Variants in MDN1 observed in about 807,000 individuals in gnomAD.
The protein encoded by MDN1 is midasin.
MDN1 carries 266 observed loss-of-function variants against 669.2 expected under a neutral mutation model. That is an observed-to-expected ratio of 0.40 (90% CI 0.36 to 0.44). The LOEUF (loss-of-function observed/expected upper bound fraction) is 0.44. Ranked by LOEUF, MDN1 falls within the 20% of genes least tolerant of loss-of-function variation. MDN1 has a pLI of 1.00. For synonymous variants in MDN1, 2,385 were observed against 2,457.1 expected (o/e 0.97, Z 0.87); for missense variants, 5,940 against 6,754.0 (o/e 0.88, Z 4.22).
chr6:89,680,795 G>A, intron 73 of MDN1, 44 bp from the exon 74 acceptor site: 1 of 1,595,480 alleles, frequency 6.3e-7, no homozygotes, highest in Non-Finnish European at 8.5e-7. Context: ...AAGAATGACA[G>A]GCAGTGTCCC....
chr6:89,645,140 G>A lies in MDN1; in HGVS notation c.16477C>T (p.Leu5493=). Residue 5493 remains leucine (L), a synonymous_variant, in exon 101 of 102, where the codon CTG becomes TTG. Coordinates refer to ENST00000369393, the MANE Select transcript of MDN1 (RefSeq NM_014611.3). ...AGGCCTCGCCCATCAGAGACTACCA[G>A]GAGGAGTTGTGCAGTTTCTGTAGAC... ...NISSETAQLL[L]VVSDGRGLFL... 3 of 1,607,072 alleles carry A rather than the reference G, an allele frequency of 1.9e-6. No individual in the cohort carries two copies. The highest frequency in any genetic ancestry group is 2.6e-6 in the Non-Finnish European group (3 of 1,174,014).
rs565915357 is a variant in MDN1 at position 89,693,170 on chromosome 6, A to T, written c.9882-22T>A. ...CAGCCTAACGGGAAATTAACACAAT[A>T]TGCCAATTATGTCAGAAGAAGAGCA... On this transcript the variant is annotated intron_variant, in intron 62 of 101. Transcript: ENST00000369393. The T allele has an allele frequency of 6.0e-6, 9 of 1,494,234 alleles. No homozygotes were observed. The East Asian group carries it at 6.8e-5, about 11-fold the overall frequency. 92.6% of individuals were successfully genotyped at this position (1,494,234 alleles called of 1,614,324 possible).
rs1212270569 is a variant in MDN1, at chr6:89,658,190, C to T, written c.15183+19G>A. The T allele has an allele frequency of 6.2e-7, 1 of 1,613,488 alleles. No homozygotes were observed. Among genetic ancestry groups the T allele is most frequent in the Admixed American group, 1.7e-5 (1 of 60,020 alleles). On this transcript the variant is annotated intron_variant, in intron 90 of 101. Coordinates refer to ENST00000369393, the MANE Select transcript of MDN1 (RefSeq NM_014611.3). ...CCTACTAAGAGGCAGCTGGCGGCTGCAGTGAAACCACTGATCACCTCTTTC... is the reference window on the plus strand; with the variant it reads ...CCTACTAAGAGGCAGCTGGCGGCTGTAGTGAAACCACTGATCACCTCTTTC...
chr6:89,810,465 T>G (rs1320197045), intron 1 of MDN1, among the ~76,000 whole-genome samples: 1 of 151,564 alleles, frequency 6.6e-6, no homozygotes, highest in Non-Finnish European at 1.5e-5. Context: ...AAAAACAAAT[T>G]AAAAAAACAG....
chr6:89,748,511 G>A (rs1402698614), intron 26 of MDN1, among the ~76,000 whole-genome samples: 1 of 152,146 alleles, frequency 6.6e-6, no homozygotes, highest in African/African-American at 2.4e-5. Flanking sequence ...AAGATCAGCT[G>A]TAGCTTTGCA....
intron 2 of MDN1, among the ~76,000 whole-genome samples, chr6:89,796,324 C>CAAAAAAAAAAAAAAAAAAAA (rs35169575): frequency 6.6e-5 from 3 of 45,374 alleles, no homozygotes; most frequent in African/African-American, 1.5e-4. Context: ...AACTCTGTCT[C>CAAAAAAAAAAAAAAAAAAAA]AAAAAAAAAA....
At chr6:89,796,340 AAAAAAAAAAAC>A (rs779285169) in intron 2 of MDN1, among the ~76,000 whole-genome samples, 2 of 116,690 alleles carry the variant, frequency 1.7e-5, no homozygotes, top group African/African-American at 3.0e-5. Context: ...AAAAAAAAAA[AAAAAAAAAAAC>A]AAAAAAAAAA....
intron 10 of MDN1, 39 bp from the exon 11 acceptor site, chr6:89,780,332 AC>A: frequency 7.4e-7 from 1 of 1,359,468 alleles, no homozygotes; most frequent in African/African-American, 1.5e-5. Context: ...CAAAGAAAAG[AC>A]CACAGGCCAA....
intron 35 of MDN1, among the ~76,000 whole-genome samples, chr6:89,729,606 G>A (rs1042692481): frequency 6.6e-6 from 1 of 151,370 alleles, no homozygotes; most frequent in Non-Finnish European, 1.5e-5. Context: ...TGATATGCAG[G>A]ACTAATAACA....
rs752267688 is a variant in MDN1, at chr6:89,762,352, C to T, written c.2323G>A (p.Ala775Thr). Reference sequence around the variant, plus strand: ...CTGTCTTTTCCATCCTTGTTAACAGCAGACTTGTGTACATGCTGCATTAGT... The same window carrying T: ...CTGTCTTTTCCATCCTTGTTAACAGTAGACTTGTGTACATGCTGCATTAGT... ...LRLMQHVHKS[A>T]VNKDGKDSET... Residue 775 changes from alanine (A) to threonine (T), a missense_variant, in exon 16 of 102, where the codon GCT becomes ACT. By Grantham distance (58) the Ala-to-Thr change is moderately conservative. Transcript: ENST00000369393. 4 of 1,614,010 alleles carry T rather than the reference C, an allele frequency of 2.5e-6. No homozygotes were observed. The African/African-American group carries it at 4.0e-5, about 16-fold the overall frequency.
chr6:89,795,933 C>CG (rs1169070413), intron 2 of MDN1, among the ~76,000 whole-genome samples: 4 of 151,918 alleles, frequency 2.6e-5, no homozygotes, highest in Non-Finnish European at 5.9e-5. Context: ...CAGGCCTGGG[C>CG]GACACAGTGA....
chr6:89,676,098 C>T lies in MDN1; in HGVS notation c.12645+4G>A, dbSNP rs1004661860. 3.8e-5 allele frequency: 62 copies of T among 1,613,232 alleles called. No homozygotes were observed. Among genetic ancestry groups the T allele is most frequent in the Non-Finnish European group, 5.2e-5 (61 of 1,179,248 alleles). On this transcript the variant is annotated splice_donor_region_variant and intron_variant, in intron 77 of 101. Coordinates refer to ENST00000369393, the MANE Select transcript of MDN1 (RefSeq NM_014611.3). ...CCTGCAAGACTCATGTTCTATCATT[C>T]TACCTTGGCAGGAGTTGCTAGTGCT...
At chr6:89,722,865 A>AAAAAAT in intron 40 of MDN1, 90 bp downstream of exon 40, 1 of 840,580 alleles carries the variant, frequency 1.2e-6, no homozygotes, top group Non-Finnish European at 1.7e-6. Flanking sequence ...AAAAAAAAAA[A>AAAAAAT]AAGGCTTGCA....
At chr6:89,652,030 T>C (rs1808910844) in intron 95 of MDN1, among the ~76,000 whole-genome samples, 162 bp downstream of exon 95, 1 of 152,224 alleles carries the variant, frequency 6.6e-6, no homozygotes, top group Admixed American at 6.5e-5. Flanking sequence ...AGCCAGAAAC[T>C]GATGGACAGA....
intron 99 of MDN1, among the ~76,000 whole-genome samples, chr6:89,647,547 T>G (rs1197849905): frequency 6.6e-6 from 1 of 152,190 alleles, no homozygotes; most frequent in Non-Finnish European, 1.5e-5. Flanking sequence ...AGTCAAGTGA[T>G]CCTTGAGGAA....
intron 29 of MDN1, 111 bp downstream of exon 29, chr6:89,745,162 G>T: frequency 6.7e-6 from 5 of 746,682 alleles, no homozygotes; most frequent in Non-Finnish European, 6.8e-6. Context: ...AGAAAAAAGA[G>T]GAAGGAGGAA....
chr6:89,712,780 G>C lies in MDN1; in HGVS notation c.7225C>G (p.Gln2409Glu), dbSNP rs780395402. The C allele has an allele frequency of 6.2e-7, 1 of 1,613,988 alleles. No homozygotes were observed. The highest frequency in any genetic ancestry group is 1.1e-5 in the South Asian group (1 of 91,082). ...GAAACATGTTTCTCCAGTAAAGCCT[G>C]TACAAGCTGGTAGGAGACAAAAACA... ...QHSPANRKLV[Q>E]ALLEKHVSSL... Residue 2409 changes from glutamine (Q) to glutamate (E), a missense_variant, in exon 48 of 102, where the codon CAG becomes GAG. Gln to Glu is a conservative substitution (Grantham distance 29). Transcript: ENST00000369393.
At chr6:89,771,711 T>C (rs906052436) in intron 14 of MDN1, 90 bp from the exon 15 acceptor site, 6 of 1,117,258 alleles carry the variant, frequency 5.4e-6, no homozygotes, top group South Asian at 4.0e-5. Flanking sequence ...GAATATGGCA[T>C]AGGGCTTTAT....
chr6:89,789,873 T>C lies in MDN1; in HGVS notation c.1137A>G (p.Gly379=). The stretch of plus-strand genomic sequence containing the variant: ...GGGTGCCAGGCTGCCACACAAACTC[T>C]CCAGGAACATCTGTGCAGCGATACA... The part of the protein sequence containing the change: ...LGMYRCTDVP[G]EFVWQPGTLT... The change falls in exon 7 of 102, where the codon GGA becomes GGG. Residue 379 remains glycine (G), a synonymous_variant. Coordinates refer to ENST00000369393, the MANE Select transcript of MDN1 (RefSeq NM_014611.3). 1.7e-5 allele frequency: 27 copies of C among 1,613,836 alleles called. No homozygotes were observed. The highest frequency in any genetic ancestry group is 2.3e-5 in the Non-Finnish European group (27 of 1,179,968).
Sources: allele counts gnomAD v4.1 joint callset (sites outside exome capture counted in the v4.1 genomes callset), GRCh38; gene constraint gnomAD v4.1.1; transcripts MANE v1.5; gene names NCBI Gene and HGNC (gene_info 2026-07-23, HGNC 2026-07-21).